Variants in CNIH2 observed in about 807,000 individuals in gnomAD.
The protein encoded by CNIH2 is protein cornichon homolog 2.
Under a neutral mutation model 22.9 loss-of-function variants are expected in CNIH2, and 8 were observed. The observed-to-expected ratio is 0.35, with a 90% confidence interval of 0.20 to 0.63. CNIH2 has a LOEUF of 0.63. CNIH2 is among the 30% of genes least tolerant of loss of function. CNIH2 has a pLI of 0.72. For synonymous variants in CNIH2, 74 were observed against 78.2 expected, an observed-to-expected ratio of 0.95 and a Z score of 0.28; for missense variants, 105 against 206.2, an observed-to-expected ratio of 0.51 and a Z score of 3.01.
chr11:66,278,561 C>A, intron 1 of CNIH2, 24 bp downstream of exon 1: 5 of 267,904 alleles, frequency 1.9e-5, no homozygotes, highest in South Asian at 3.0e-5. Context: ...GGGGCTGGGG[C>A]TGGGGGCGGG....
At chr11:66,283,199 T>A in intron 4 of CNIH2, 49 bp from the exon 5 acceptor site, 3 of 1,613,598 alleles carry the variant, frequency 1.9e-6, no homozygotes, top group Non-Finnish European at 2.5e-6. Flanking sequence ...AGGGGCAGGA[T>A]GGGGGTGGGA....
chr11:66,282,562 C>T, intron 2 of CNIH2, 171 bp from the exon 3 acceptor site: 2 of 865,086 alleles, frequency 2.3e-6, no homozygotes, highest in Non-Finnish European at 3.6e-6. Context: ...CGGGTGAAGG[C>T]CCTTCCATGG....
rs1284398868 is a variant in CNIH2, at chr11:66,278,181, C to T, written c.-276C>T. ...CGGCCCCGCCCCCGGCTCCGCCCCG[C>T]CGGCTTCGCGGGCTGGAGAGCGAGG... On this transcript the variant is annotated 5_prime_UTR_variant, in exon 1 of 6. Coordinates refer to ENST00000311445, the MANE Select transcript of CNIH2 (RefSeq NM_182553.3). 2 of 148,382 alleles carry T rather than the reference C, an allele frequency of 1.3e-5. No homozygotes were observed. The highest frequency in any genetic ancestry group is 1.3e-4 in the Admixed American group (2 of 14,960). 9.2% of individuals were successfully genotyped at this position (148,382 alleles called of 1,614,324 possible).
chr11:66,282,377 C>A, intron 2 of CNIH2, 50 bp downstream of exon 2: 1 of 1,327,542 alleles, frequency 7.5e-7, no homozygotes, highest in Non-Finnish European at 1.0e-6. Flanking sequence ...TCTGTCTTTC[C>A]ATCTGTCGTG....
rs753649918 is a variant in CNIH2, at chr11:66,283,638, C to T, written c.*41C>T. 1.4e-5 allele frequency: 22 copies of T among 1,552,722 alleles called. No individual in the cohort carries two copies. The highest frequency in any genetic ancestry group is 9.6e-6 in the Non-Finnish European group (11 of 1,147,672). On this transcript the variant is annotated 3_prime_UTR_variant, in exon 6 of 6. Transcript: ENST00000311445. The stretch of plus-strand genomic sequence containing the variant: ...GGGAGCGAGCCCAGAACGGACCGGA[C>T]GCCTGTGCACCCCCAGCCCTGCCCC...
chr11:66,283,754 C>T lies in CNIH2; in HGVS notation c.*157C>T. 1.3e-6 allele frequency: 1 copy of T among 744,952 alleles called. No homozygotes were observed. The highest frequency in any genetic ancestry group is 2.2e-6 in the Non-Finnish European group (1 of 462,878). 46.1% of individuals were successfully genotyped at this position (744,952 alleles called of 1,614,324 possible). A position where few individuals can be genotyped will look rare whatever the true frequency, so the allele number is the denominator to read the frequency against. On this transcript the variant is annotated 3_prime_UTR_variant, in exon 6 of 6. Coordinates refer to ENST00000311445, the MANE Select transcript of CNIH2 (RefSeq NM_182553.3). Reference sequence around the variant, plus strand: ...CAAACTGCTGCTGCGGGGAACCCCCCCCACCCCGCCTTCAGAGCCCTCCCC... The same window carrying T: ...CAAACTGCTGCTGCGGGGAACCCCCTCCACCCCGCCTTCAGAGCCCTCCCC...
chr11:66,279,845 C>T (rs1050633772), intron 1 of CNIH2, among the ~76,000 whole-genome samples: 2 of 152,232 alleles, frequency 1.3e-5, no homozygotes, highest in Non-Finnish European at 2.9e-5. Flanking sequence ...CCCTGTCACT[C>T]CTTGGCCTGG....
In CNIH2 at chr11:66,282,116, G is replaced by C. The variant is rs909735641; in HGVS notation, c.82-143G>C. 1.5e-5 allele frequency: 11 copies of C among 728,766 alleles called. No individual in the cohort carries two copies. The African/African-American group carries it at 1.9e-4, about 13-fold the overall frequency. 45.1% of individuals were successfully genotyped at this position (728,766 alleles called of 1,614,324 possible). A position where few individuals can be genotyped will look rare whatever the true frequency, so the allele number is the denominator to read the frequency against. On this transcript the variant is annotated intron_variant, in intron 1 of 5. Transcript: ENST00000311445. ...TTGTAATGACCTTGGACCAGGCCCT[G>C]CTCCTCCCTGGACCTCGGTTTCTCC...
intron 2 of CNIH2, 181 bp from the exon 3 acceptor site, chr11:66,282,552 C>CG (rs763686031): frequency 3.6e-6 from 3 of 841,776 alleles, no homozygotes; most frequent in East Asian, 2.7e-5. Context: ...CATGGAGACG[C>CG]GGGTGAAGGC....
chr11:66,282,037 A>G (rs939270462), intron 1 of CNIH2, among the ~76,000 whole-genome samples: 5 of 152,102 alleles, frequency 3.3e-5, no homozygotes, highest in African/African-American at 1.2e-4. Flanking sequence ...AAGGGGGTGT[A>G]GTGGACATGG....
At chr11:66,282,407 G>GGGGGA in intron 2 of CNIH2, 80 bp downstream of exon 2, 1 of 175,502 alleles carries the variant, frequency 5.7e-6, no homozygotes, top group Non-Finnish European at 1.1e-5. Context: ...TGGGAGACGG[G>GGGGGA]AAGACGGGGG....
intron 1 of CNIH2, 91 bp from the exon 2 acceptor site, chr11:66,282,167 TG>T: frequency 8.9e-7 from 1 of 1,126,024 alleles, no homozygotes; most frequent in Non-Finnish European, 1.4e-6. Context: ...TCCACCTGGC[TG>T]GTCCTCTTCA....
At chr11:66,279,984 G>A (rs547003663) in intron 1 of CNIH2, among the ~76,000 whole-genome samples, 1 of 152,322 alleles carries the variant, frequency 6.6e-6, no homozygotes, top group South Asian at 2.1e-4. Context: ...AGGGAGCTGG[G>A]GGCCACAGGC....
chr11:66,282,513 G>A (rs1229507082), intron 2 of CNIH2, 186 bp downstream of exon 2: 1 of 875,078 alleles, frequency 1.1e-6, no homozygotes, highest in African/African-American at 1.7e-5. Context: ...TCTTGGCGGG[G>A]CGGTGGTTGC....
intron 5 of CNIH2, 54 bp downstream of exon 5, chr11:66,283,445 C>A (rs751735071): frequency 6.8e-6 from 11 of 1,611,414 alleles, no homozygotes; most frequent in Non-Finnish European, 8.5e-6. Context: ...CCCAGCATCA[C>A]GCTTCCAATC....
chr11:66,283,471 T>C (rs1857294979), intron 5 of CNIH2, 80 bp downstream of exon 5: 2 of 1,611,072 alleles, frequency 1.2e-6, no homozygotes, highest in Admixed American at 3.3e-5. Flanking sequence ...TTCCTGCCTT[T>C]TGCCCCTGAG....
intron 1 of CNIH2, among the ~76,000 whole-genome samples, chr11:66,279,180 C>G (rs1857219236): frequency 6.6e-6 from 1 of 151,782 alleles, no homozygotes; most frequent in South Asian, 2.1e-4. Flanking sequence ...CAGCTTCCCT[C>G]CTCTTCCTGT....
At position 66,284,001 on chromosome 11, in the gene CNIH2, A is replaced by G. The variant is rs1486319039; in HGVS notation, c.*404A>G. ...CCCCTGCAGGTGGGGGGGTACCCGCACCGGGAATGAGCAGGCTCAGCAGGG... is the reference window on the plus strand; with the variant it reads ...CCCCTGCAGGTGGGGGGGTACCCGCGCCGGGAATGAGCAGGCTCAGCAGGG... On this transcript the variant is annotated 3_prime_UTR_variant, in exon 6 of 6. Transcript: ENST00000311445. The G allele has an allele frequency of 9.2e-6, 2 of 217,768 alleles. No homozygotes were observed. The highest frequency in any genetic ancestry group is 1.9e-5 in the Non-Finnish European group (2 of 106,692). The allele number at this position is 217,768 out of a possible 1,614,324, so 13.5% of individuals were successfully genotyped here. A position where few individuals can be genotyped will look rare whatever the true frequency, so the allele number is the denominator to read the frequency against.
chr11:66,280,298 C>T (rs1167799639), intron 1 of CNIH2, among the ~76,000 whole-genome samples: 6 of 152,222 alleles, frequency 3.9e-5, no homozygotes, highest in Non-Finnish European at 8.8e-5. Flanking sequence ...ATTGATTGAG[C>T]ACCTGTGTGA....
Sources: allele counts gnomAD v4.1 joint callset (sites outside exome capture counted in the v4.1 genomes callset), GRCh38; gene constraint gnomAD v4.1.1; transcripts MANE v1.5; gene names NCBI Gene and HGNC (gene_info 2026-07-23, HGNC 2026-07-21).